Variants in PRKAR1B observed in about 807,000 individuals in gnomAD.
PRKAR1B encodes the protein cAMP-dependent protein kinase type I-beta regulatory subunit.
Under a neutral mutation model 46.5 loss-of-function variants are expected in PRKAR1B, and 22 were observed. The observed-to-expected ratio is 0.47, with a 90% CI of 0.34 to 0.68. The LOEUF (loss-of-function observed/expected upper bound fraction) is 0.68. Among genes scored for constraint, PRKAR1B ranks in the 30% least tolerant of loss-of-function variants. The pLI, the probability that PRKAR1B is intolerant of heterozygous loss-of-function variation, is 0.01. For missense variants in PRKAR1B, 445 were observed against 535.6 expected (o/e 0.83, Z 1.67); for synonymous variants, 259 against 217.7 (o/e 1.19, Z -1.67).
rs1303082516 is a variant in PRKAR1B at position 567,498 on chromosome 7, ATCATCACCATCACCT to A, written c.891+11743_891+11757del. On this transcript the variant is annotated intron_variant, in intron 9 of 10. Coordinates refer to ENST00000537384, the MANE Select transcript of PRKAR1B (RefSeq NM_001164760.2). ...CACCATCACCTTCATCACCATCACCATCATCACCATCACCTTCATCACCATCACCATCATCACTAT... is the reference window on the plus strand; with the variant it reads ...CACCATCACCTTCATCACCATCACCATCATCACCATCACCATCATCACTAT... Among the ~76,000 whole-genome samples the A allele has an allele frequency of 3.4e-3, 500 of 147,352 alleles. 2 individuals are homozygous for A. Among genetic ancestry groups the A allele is most frequent in the African/African-American group, 0.01 (415 of 39,772 alleles).
chr7:568,596 G>A (rs1779311821), intron 9 of PRKAR1B, among the ~76,000 whole-genome samples: 1 of 152,252 alleles, frequency 6.6e-6, no homozygotes, highest in Non-Finnish European at 1.5e-5. Context: ...CCCCCACAAG[G>A]GAGGGAATGT....
chr7:698,561 T>C (rs1204838927), intron 2 of PRKAR1B, among the ~76,000 whole-genome samples: 1 of 152,088 alleles, frequency 6.6e-6, no homozygotes, highest in Non-Finnish European at 1.5e-5. Context: ...TAAGTACATG[T>C]GTGTGCACAT....
intron 9 of PRKAR1B, among the ~76,000 whole-genome samples, chr7:564,064 C>A (rs1054234020): frequency 6.6e-6 from 1 of 152,128 alleles, no homozygotes; most frequent in Non-Finnish European, 1.5e-5. Flanking sequence ...CCGTTCTGAT[C>A]CTGGTGTTCC....
At position 726,800 on chromosome 7, in the gene PRKAR1B, T is replaced by C. The variant is rs1215674556; in HGVS notation, c.-23+410A>G. ...GCCGAGACGGCTGAGGCGGTGGAGC[T>C]GAGCCGCGCCCTGAGCCGCCTGCTG... On this transcript the variant is annotated intron_variant, in intron 1 of 10. Transcript: ENST00000537384. 3.1e-6 allele frequency: 4 copies of C among 1,302,264 alleles called. No homozygotes were observed. The African/African-American group carries it at 6.2e-5, about 20-fold the overall frequency. The allele number at this position is 1,302,264 out of a possible 1,614,324, so 80.7% of individuals were successfully genotyped here.
intron 1 of PRKAR1B, among the ~76,000 whole-genome samples, chr7:715,282 G>GA (rs1355755326): frequency 2.6e-5 from 4 of 152,132 alleles, no homozygotes; most frequent in African/African-American, 9.7e-5. Flanking sequence ...ATACACCACT[G>GA]ATCTGACACA....
rs146551172 is a variant in PRKAR1B at position 613,299 on chromosome 7, T to C, written c.441-5847A>G. Among the ~76,000 whole-genome samples the C allele has an allele frequency of 5.6e-3, 842 of 151,576 alleles. 11 individuals carry two copies. The highest frequency in any genetic ancestry group is 0.019 in the African/African-American group (780 of 41,218). On this transcript the variant is annotated intron_variant, in intron 4 of 10. Coordinates refer to ENST00000537384, the MANE Select transcript of PRKAR1B (RefSeq NM_001164760.2). ...TATTTTCTAATTTTCTATAATTACA[T>C]TGTAAATCTGTGTAATTTTAAAAAT... is the stretch of plus-strand genomic sequence containing the variant.
At chr7:622,011 A>ATCTCAGCCAGTCTCTTCACCAC (rs1302204043) in intron 4 of PRKAR1B, among the ~76,000 whole-genome samples, 2 of 152,196 alleles carry the variant, frequency 1.3e-5, no homozygotes, top group Admixed American at 6.5e-5. Flanking sequence ...CCATGCCCCG[A>ATCTCAGCCAGTCTCTTCACCAC]TCTCAGCCAG....
At chr7:594,666 C>T (rs973028790) in intron 7 of PRKAR1B, among the ~76,000 whole-genome samples, 1 of 151,906 alleles carries the variant, frequency 6.6e-6, no homozygotes, top group East Asian at 1.9e-4. Flanking sequence ...CATGAGGGGA[C>T]CCCCTAGACC....
rs571626132 is a variant in PRKAR1B, at chr7:632,625, G to C, written c.441-25173C>G. Among the ~76,000 whole-genome samples, 5 of 152,338 alleles carry C rather than the reference G, an allele frequency of 3.3e-5. No individual in the cohort carries two copies. In the East Asian group the frequency reaches 9.6e-4, roughly 29 times the overall value. On this transcript the variant is annotated intron_variant, in intron 4 of 10. Transcript: ENST00000537384. ...TGGATCCAGGCCTTCAGGACACTGC[G>C]GCCCTCATGATGCTGCTGCGTGTCT...
rs1466978864 is a variant in PRKAR1B, at chr7:602,301, G to A, written c.549+3892C>T. 6.6e-6 allele frequency among the ~76,000 whole-genome samples: 1 copy of A among 151,916 alleles called. No individual in the cohort carries two copies. The highest frequency in any genetic ancestry group is 1.5e-5 in the Non-Finnish European group (1 of 67,962). ...ACGGCGGCGGGGGGAGGGGGGGTCT[G>A]TCCTGCTGGAAGGACGGAGGGAAGG... On this transcript the variant is annotated intron_variant, in intron 6 of 10. Transcript: ENST00000537384. The surrounding 1 kb of genome is among the most constrained non-coding windows in gnomAD (Gnocchi z 6.4).
intron 2 of PRKAR1B, among the ~76,000 whole-genome samples, chr7:683,789 G>A (rs1311237590): frequency 6.6e-6 from 1 of 152,180 alleles, no homozygotes; most frequent in Non-Finnish European, 1.5e-5. Flanking sequence ...CGGAAGGGCA[G>A]CCTGGAGAGC....
chr7:583,007 G>A (rs556221645), intron 8 of PRKAR1B, among the ~76,000 whole-genome samples: 60 of 152,214 alleles, frequency 3.9e-4, no homozygotes, highest in African/African-American at 1.4e-3. Context: ...GAAACGTCCC[G>A]AGCAGGCAAA....
At chr7:687,554 AG>A (rs1387573475) in intron 2 of PRKAR1B, among the ~76,000 whole-genome samples, 1 of 152,214 alleles carries the variant, frequency 6.6e-6, no homozygotes, top group Non-Finnish European at 1.5e-5. Flanking sequence ...GCTACAGAAA[AG>A]TGCTGAAGAG....
At chr7:723,659 C>T (rs187820635) in intron 1 of PRKAR1B, among the ~76,000 whole-genome samples, 36 of 152,360 alleles carry the variant, frequency 2.4e-4, no homozygotes, top group Admixed American at 5.2e-4. Context: ...ATCCGTTCAA[C>T]GGAAGCCAAA....
chr7:570,635 G>A lies in PRKAR1B; in HGVS notation c.891+8621C>T, dbSNP rs1047586067. 4.3e-4 allele frequency among the ~76,000 whole-genome samples: 65 copies of A among 152,136 alleles called. 2 individuals carry two copies. The highest frequency in any genetic ancestry group is 1.9e-4 in the African/African-American group (8 of 41,424). Reference sequence around the variant, plus strand: ...GTCTGGTTTATTCGCCACGTGGCACGGCCCTCGGCAAAGCAGCTGGACTAT... The same window carrying A: ...GTCTGGTTTATTCGCCACGTGGCACAGCCCTCGGCAAAGCAGCTGGACTAT... On this transcript the variant is annotated intron_variant, in intron 9 of 10. Coordinates refer to ENST00000537384, the MANE Select transcript of PRKAR1B (RefSeq NM_001164760.2).
rs374764581 is a variant in PRKAR1B, at chr7:702,590, G to A, written c.177+8739C>T. 4.6e-5 allele frequency among the ~76,000 whole-genome samples: 7 copies of A among 152,238 alleles called. No individual in the cohort carries two copies. The East Asian group carries it at 9.7e-4, about 21-fold the overall frequency. ...TGTAATCTCAGCACTTTGGGAGGCC[G>A]AGGCAGGCGGATCACGAGGTCAGGA... is the stretch of plus-strand genomic sequence containing the variant. On this transcript the variant is annotated intron_variant, in intron 2 of 10. Coordinates refer to ENST00000537384, the MANE Select transcript of PRKAR1B (RefSeq NM_001164760.2).
At chr7:592,869 C>CA (rs1781062133) in intron 7 of PRKAR1B, among the ~76,000 whole-genome samples, 2 of 151,938 alleles carry the variant, frequency 1.3e-5, no homozygotes, top group African/African-American at 4.8e-5. Context: ...CAGGTCTCTA[C>CA]AAAAAACAAT....
intron 3 of PRKAR1B, 41 bp downstream of exon 3, chr7:680,515 C>T (rs548297504): frequency 2.8e-5 from 43 of 1,554,880 alleles, no homozygotes; most frequent in South Asian, 2.3e-4. Flanking sequence ...AGCCACGTGC[C>T]GAGGCCTGGG....
chr7:677,446 G>A (rs1778397191), intron 3 of PRKAR1B, 126 bp from the exon 4 acceptor site: 1 of 782,186 alleles, frequency 1.3e-6, no homozygotes, highest in African/African-American at 1.7e-5. Flanking sequence ...GCAATTTGAA[G>A]TTTAATGTGT....
Sources: gnomAD v4.1 joint callset for allele counts (sites outside exome capture counted in the v4.1 genomes callset) on GRCh38, gnomAD v4.1.1 for gene constraint, Gnocchi (gnomAD v3.1) non-coding constraint, MANE v1.5 for transcripts, NCBI Gene and HGNC (gene_info 2026-07-23, HGNC 2026-07-21) for gene names.